Variants in KIAA1217 observed in about 807,000 individuals in gnomAD.
KIAA1217 encodes the protein KIAA1217, also known as sickle tail protein homolog.
A neutral mutation model predicts 163.9 loss-of-function variants in KIAA1217; 88 were observed. The ratio of observed to expected loss-of-function variants is 0.54; its 90% CI spans 0.45 to 0.64. The LOEUF (loss-of-function observed/expected upper bound fraction) is 0.64, where lower values mean the gene tolerates loss of function less well. Among genes scored for constraint, KIAA1217 ranks in the 30% least tolerant of loss-of-function variants. The probability of loss-of-function intolerance (pLI) is 0.00; values close to 1 mark genes in which losing one functional copy is unlikely to be tolerated. For synonymous variants in KIAA1217, 903 were observed against 923.1 expected (o/e 0.98, Z 0.39); for missense variants, 2,372 against 2,475.0 (o/e 0.96, Z 0.88).
chr10:24,188,701 G>GGAGTC (rs2066560303), intron 2 of KIAA1217, among the ~76,000 whole-genome samples: 1 of 152,168 alleles, frequency 6.6e-6, no homozygotes, highest in Non-Finnish European at 1.5e-5. Context: ...TCCTTTTTCA[G>GGAGTC]GAGTCAGCTA....
intron 2 of KIAA1217, among the ~76,000 whole-genome samples, chr10:24,247,090 A>G (rs1389112806): frequency 1.3e-5 from 2 of 149,078 alleles, no homozygotes; most frequent in African/African-American, 4.9e-5. Context: ...CCTTTGGCTT[A>G]GTCTCATAGT....
At chr10:24,099,555 G>T (rs1442709858) in intron 2 of KIAA1217, among the ~76,000 whole-genome samples, 1 of 145,492 alleles carries the variant, frequency 6.9e-6, no homozygotes. Context: ...TGGTGTATAT[G>T]TGCCACATTT....
intron 1 of KIAA1217, among the ~76,000 whole-genome samples, chr10:23,945,379 C>T (rs1843978727): frequency 6.6e-6 from 1 of 152,124 alleles, no homozygotes; most frequent in Admixed American, 6.6e-5. Flanking sequence ...ACACTAAATA[C>T]TGTATTATTC....
At chr10:24,068,505 A>C (rs547461678) in intron 2 of KIAA1217, among the ~76,000 whole-genome samples, 1 of 152,178 alleles carries the variant, frequency 6.6e-6, no homozygotes, top group South Asian at 2.1e-4. Flanking sequence ...CTTAGTTTGA[A>C]TCATGTTTCT....
chr10:23,956,486 A>C (rs1844564354), intron 1 of KIAA1217, among the ~76,000 whole-genome samples: 1 of 152,190 alleles, frequency 6.6e-6, no homozygotes, highest in East Asian at 1.9e-4. Context: ...AAAAATGTCT[A>C]CAGCAGTCAC....
At chr10:24,274,283 G>C (rs2077050999) in intron 2 of KIAA1217, among the ~76,000 whole-genome samples, 1 of 152,012 alleles carries the variant, frequency 6.6e-6, no homozygotes, top group Non-Finnish European at 1.5e-5. Flanking sequence ...GAGGTCAGGA[G>C]TTCATGACCA....
rs74664011 is a variant in KIAA1217 at position 24,100,478 on chromosome 10, A to G, written c.-171+93104A>G. Among the ~76,000 whole-genome samples the G allele has an allele frequency of 4.9e-3, 753 of 152,298 alleles. 5 individuals are homozygous for G. Among genetic ancestry groups the G allele is most frequent in the African/African-American group, 0.018 (728 of 41,556 alleles). On this transcript the variant is annotated intron_variant, in intron 2 of 18. Transcript: ENST00000376462. ...AGTAAAATCAACATAACTAACCATC[A>G]CCCTATCATAATAGGCCCTTTTTCA...
intron 1 of KIAA1217, among the ~76,000 whole-genome samples, chr10:23,780,158 C>T (rs6482348): frequency 0.65 from 99,148 of 152,082 alleles, 34,364 homozygotes; most frequent in African/African-American, 0.91. Flanking sequence ...TTTTATTGTA[C>T]ATATTTAAGG....
chr10:24,462,117 T>G (rs2062467633), intron 5 of KIAA1217, among the ~76,000 whole-genome samples: 1 of 151,946 alleles, frequency 6.6e-6, no homozygotes, highest in Admixed American at 6.6e-5. Context: ...CATATAGTAC[T>G]GAGTGATGTA....
chr10:23,715,291 G>T (rs1179109941), intron 1 of KIAA1217, among the ~76,000 whole-genome samples: 1 of 152,146 alleles, frequency 6.6e-6, no homozygotes, highest in East Asian at 1.9e-4. Context: ...GTGGGGGATG[G>T]AAGAGACAAA....
chr10:23,926,029 C>T (rs935802703), intron 1 of KIAA1217, among the ~76,000 whole-genome samples: 1 of 152,152 alleles, frequency 6.6e-6, no homozygotes, highest in Admixed American at 6.5e-5. Context: ...CACTGTGGTC[C>T]TCGATCCAGG....
intron 2 of KIAA1217, among the ~76,000 whole-genome samples, chr10:24,111,281 C>A (rs1459719586): frequency 6.6e-6 from 1 of 152,132 alleles, no homozygotes. Context: ...TAAATAGTTT[C>A]AATTCTGCCT....
At chr10:23,967,567 A>T (rs1564572580) in intron 1 of KIAA1217, among the ~76,000 whole-genome samples, 1 of 152,302 alleles carries the variant, frequency 6.6e-6, no homozygotes, top group East Asian at 1.9e-4. Context: ...ATTCAATATC[A>T]CTTATTAGAA....
At chr10:23,704,172 G>GTGTGTATA (rs1229370789) in intron 1 of KIAA1217, among the ~76,000 whole-genome samples, 139 of 39,938 alleles carry the variant, frequency 3.5e-3, no homozygotes, top group Admixed American at 4.1e-3. Context: ...GTGTGTGTGT[G>GTGTGTATA]TATATATATA....
chr10:24,185,155 T>C lies in KIAA1217; in HGVS notation c.-170-34471T>C, dbSNP rs374264023. 3.0e-3 allele frequency among the ~76,000 whole-genome samples: 457 copies of C among 152,272 alleles called. 1 individual carries two copies. The highest frequency in any genetic ancestry group is 0.01 in the African/African-American group (432 of 41,560). On this transcript the variant is annotated intron_variant, in intron 2 of 18. Transcript: ENST00000376462. ...GAAACTTCTTTGCTAAAGAGGGAAC[T>C]CTCAGAATCACCATTTACCCACCTG...
chr10:23,764,714 T>G (rs1297010062), intron 1 of KIAA1217, among the ~76,000 whole-genome samples: 1 of 151,888 alleles, frequency 6.6e-6, no homozygotes, highest in Non-Finnish European at 1.5e-5. Flanking sequence ...AAACACCACA[T>G]GTACTCACTC....
rs140086428 is a variant in KIAA1217, at chr10:24,273,592, C to T, written c.354+53683C>T. Among the ~76,000 whole-genome samples, 1,031 of 152,220 alleles carry T rather than the reference C, an allele frequency of 6.8e-3. 11 individuals are homozygous for T. Among genetic ancestry groups the T allele is most frequent in the African/African-American group, 0.024 (977 of 41,534 alleles). On this transcript the variant is annotated intron_variant, in intron 2 of 20. Coordinates refer to ENST00000376454, the MANE Select transcript of KIAA1217 (RefSeq NM_019590.5). ...ATTGGCTGGACGCCATGGCTCATGC[C>T]TGTAATCCAAGCACTTTGGGAGGCC...
chr10:24,154,003 G>A (rs2064753448), intron 2 of KIAA1217, among the ~76,000 whole-genome samples: 1 of 150,490 alleles, frequency 6.6e-6, no homozygotes, highest in Non-Finnish European at 1.5e-5. Context: ...TGTCGCCCAG[G>A]CTGGAGTGCA....
chr10:24,402,544 G>C (rs985739438), intron 3 of KIAA1217, among the ~76,000 whole-genome samples: 1 of 131,178 alleles, frequency 7.6e-6, no homozygotes, highest in East Asian at 2.2e-4. Context: ...AAAAAAAAAG[G>C]CAAAGGAGTT....
Sources: allele counts gnomAD v4.1 joint callset (sites outside exome capture counted in the v4.1 genomes callset), GRCh38; gene constraint gnomAD v4.1.1; transcripts MANE v1.5; gene names NCBI Gene and HGNC (gene_info 2026-07-23, HGNC 2026-07-21).